SPCS2: variants seen among roughly 807,000 people sequenced by gnomAD.
The protein encoded by SPCS2 is SPase 25 kDa subunit.
A neutral mutation model predicts 22.3 loss-of-function variants in SPCS2; 3 were observed. The observed-to-expected ratio is 0.13, with a 90% CI of 0.06 to 0.35. The LOEUF is 0.35. SPCS2 is among the 10% of genes least tolerant of loss of function. The pLI is 1.00. For missense variants in SPCS2, 169 were observed against 280.9 expected (o/e 0.60, Z 2.85); for synonymous variants, 67 against 97.2 (o/e 0.69, Z 1.83).
rs140925090 is a variant in SPCS2, at chr11:74,953,615, G to A, written c.114+4216G>A. 1.4e-3 allele frequency among the ~76,000 whole-genome samples: 206 copies of A among 152,306 alleles called. 1 individual carries two copies. The highest frequency in any genetic ancestry group is 4.8e-3 in the African/African-American group (198 of 41,572). ...ATAAAGAGATGCAAATATGCTCCTA[G>A]TTTTCCCTAAGCAGATGTGAATTTC... On this transcript the variant is annotated intron_variant, in intron 1 of 4. Coordinates refer to ENST00000263672, the MANE Select transcript of SPCS2 (RefSeq NM_014752.3).
chr11:74,951,665 C>A (rs1024079714), intron 1 of SPCS2, among the ~76,000 whole-genome samples: 3 of 151,842 alleles, frequency 2.0e-5, no homozygotes, highest in African/African-American at 7.3e-5. Flanking sequence ...ACAAAATTAG[C>A]GAAGTGTGGT....
intron 1 of SPCS2, chr11:74,949,793 C>T (rs1279211218): frequency 5.2e-6 from 2 of 383,228 alleles, no homozygotes; most frequent in Non-Finnish European, 1.0e-5. Context: ...CTCTCTACCA[C>T]CATCACCCTT....
Position 74,953,704 on chromosome 11 carries a change from T to C in SPCS2, c.114+4305T>C, listed in dbSNP as rs1242653898. Reference sequence around the variant, plus strand: ...TGTTTCCTGATCTTAAAAATAAGTATGCAAATATAATCTTTCCGCCTCCAT... The same window carrying C: ...TGTTTCCTGATCTTAAAAATAAGTACGCAAATATAATCTTTCCGCCTCCAT... On this transcript the variant is annotated intron_variant, in intron 1 of 4. Transcript: ENST00000263672. Among the ~76,000 whole-genome samples the C allele has an allele frequency of 7.9e-5, 12 of 152,238 alleles. No individual in the cohort carries two copies. In the East Asian group the frequency reaches 2.3e-3, roughly 29 times the overall value.
At chr11:74,975,231 A>G (rs759780380) in intron 4 of SPCS2, among the ~76,000 whole-genome samples, 2 of 151,988 alleles carry the variant, frequency 1.3e-5, no homozygotes, top group Non-Finnish European at 2.9e-5. Flanking sequence ...GGGCCTTTGC[A>G]CTTGCTGTTC....
At chr11:74,960,296 C>A (rs958146410) in intron 1 of SPCS2, among the ~76,000 whole-genome samples, 1 of 152,238 alleles carries the variant, frequency 6.6e-6, no homozygotes, top group Non-Finnish European at 1.5e-5. Context: ...CGCGCCACTG[C>A]GCTCAGCCTG....
chr11:74,949,702 G>C (rs1470856588), intron 1 of SPCS2: 2 of 470,526 alleles, frequency 4.3e-6, no homozygotes, highest in African/African-American at 2.0e-5. Context: ...CTCCTGGGGG[G>C]CTGGGTGCAC....
chr11:74,955,148 A>G (rs1365450474), intron 1 of SPCS2, among the ~76,000 whole-genome samples: 1 of 152,124 alleles, frequency 6.6e-6, no homozygotes, highest in Non-Finnish European at 1.5e-5. Context: ...ATGTGGTGGC[A>G]CTCTTGGAAA....
At chr11:74,960,883 C>T (rs1714717289) in intron 1 of SPCS2, among the ~76,000 whole-genome samples, 1 of 152,090 alleles carries the variant, frequency 6.6e-6, no homozygotes, top group African/African-American at 2.4e-5. Context: ...ATGATTATAC[C>T]TTCTGTCTGC....
Position 74,977,798 on chromosome 11 carries a change from A to G in SPCS2, c.*755A>G, listed in dbSNP as rs1387761889. The G allele has an allele frequency of 6.6e-6, 1 of 152,610 alleles. No homozygotes were observed. The allele number at this position is 152,610 out of a possible 1,614,324, so 9.5% of individuals were successfully genotyped here. A position where few individuals can be genotyped will look rare whatever the true frequency, so the allele number is the denominator to read the frequency against. Reference sequence around the variant, plus strand: ...AAACAAGTGTTAACATCTTTCTACTATAGGTTTTTTTCATTTTTAGGCTAT... The same window carrying G: ...AAACAAGTGTTAACATCTTTCTACTGTAGGTTTTTTTCATTTTTAGGCTAT... On this transcript the variant is annotated 3_prime_UTR_variant, in exon 5 of 5. Coordinates refer to ENST00000263672, the MANE Select transcript of SPCS2 (RefSeq NM_014752.3).
Position 74,969,743 on chromosome 11 carries a change from G to A in SPCS2, c.494+44G>A, listed in dbSNP as rs557740111. On this transcript the variant is annotated intron_variant, in intron 4 of 4. Transcript: ENST00000263672. Reference sequence around the variant, plus strand: ...ATTTTTAAATCCTGGTGTTGGATTTGCCCTGGCATGTTGTCATTATCAACA... The same window carrying A: ...ATTTTTAAATCCTGGTGTTGGATTTACCCTGGCATGTTGTCATTATCAACA... The A allele has an allele frequency of 4.9e-5, 79 of 1,610,646 alleles. 1 individual carries two copies. The East Asian group carries it at 1.7e-3, about 34-fold the overall frequency.
chr11:74,950,565 C>G (rs1948399996), intron 1 of SPCS2, among the ~76,000 whole-genome samples: 1 of 152,182 alleles, frequency 6.6e-6, no homozygotes, highest in Admixed American at 6.5e-5. Context: ...ACACTCTTCT[C>G]TTGTGAGAGG....
At chr11:74,949,603 C>A (rs554279550) in intron 1 of SPCS2, 1 of 627,270 alleles carries the variant, frequency 1.6e-6, no homozygotes, top group Non-Finnish European at 3.0e-6. Flanking sequence ...TTTAGAACTT[C>A]TTCTTTTCTC....
intron 1 of SPCS2, among the ~76,000 whole-genome samples, chr11:74,951,536 C>A (rs149675132): frequency 8.5e-5 from 13 of 152,070 alleles, no homozygotes; most frequent in Non-Finnish European, 1.6e-4. Context: ...CTCGGCCGGG[C>A]GCAGTGGCTC....
intron 1 of SPCS2, among the ~76,000 whole-genome samples, chr11:74,956,016 C>T (rs552495278): frequency 6.6e-6 from 1 of 151,148 alleles, no homozygotes; most frequent in African/African-American, 2.4e-5. Flanking sequence ...TTATTGATCA[C>T]TTCTTTTTTC....
At chr11:74,971,728 G>A (rs1195146978) in intron 4 of SPCS2, among the ~76,000 whole-genome samples, 1 of 152,036 alleles carries the variant, frequency 6.6e-6, no homozygotes, top group Non-Finnish European at 1.5e-5. Flanking sequence ...CACAAGCTAT[G>A]TGACTCTCTC....
intron 3 of SPCS2, among the ~76,000 whole-genome samples, chr11:74,966,200 A>G (rs1948544586): frequency 1.3e-5 from 2 of 152,228 alleles, no homozygotes; most frequent in African/African-American, 4.8e-5. Flanking sequence ...AGCAAAACAC[A>G]TAGTAATAGT....
rs901698236 is a variant in SPCS2 at position 74,972,214 on chromosome 11, C to T, written c.494+2515C>T. 2.6e-5 allele frequency among the ~76,000 whole-genome samples: 4 copies of T among 152,116 alleles called. 1 individual carries two copies. The highest frequency in any genetic ancestry group is 5.9e-5 in the Non-Finnish European group (4 of 68,018). On this transcript the variant is annotated intron_variant, in intron 4 of 4. Transcript: ENST00000263672. ...CTGAGTAGCTGGGATTACGGACCCA[C>T]GACCACACCCGGCTAATTTTTGTAT...
At chr11:74,969,113 G>A (rs1395593838) in intron 3 of SPCS2, among the ~76,000 whole-genome samples, 1 of 152,180 alleles carries the variant, frequency 6.6e-6, no homozygotes, top group Admixed American at 6.5e-5. Flanking sequence ...AGTAATCGTA[G>A]TACTATTTGA....
At chr11:74,969,764 C>T in intron 4 of SPCS2, 65 bp downstream of exon 4, 1 of 1,572,788 alleles carries the variant, frequency 6.4e-7, no homozygotes. Context: ...TTGTCATTAT[C>T]AACAGAAGAC....
Sources: allele counts gnomAD v4.1 joint callset (sites outside exome capture counted in the v4.1 genomes callset), GRCh38; gene constraint gnomAD v4.1.1; transcripts MANE v1.5; gene names NCBI Gene and HGNC (gene_info 2026-07-23, HGNC 2026-07-21).